THSD7B: variants seen among roughly 807,000 people sequenced by gnomAD.
THSD7B encodes the protein thrombospondin type-1 domain-containing protein 7B.
Under a neutral mutation model 213.6 loss-of-function variants are expected in THSD7B, and 138 were observed. That is an observed-to-expected ratio of 0.65 (90% CI 0.56 to 0.74). THSD7B has a LOEUF of 0.74. Ranked by LOEUF, THSD7B falls within the 30% of genes least tolerant of loss-of-function variation. The pLI is 0.00. For missense variants in THSD7B, 1,931 were observed against 1,991.5 expected, an observed-to-expected ratio of 0.97 and a Z score of 0.58; for synonymous variants, 742 against 687.0, an observed-to-expected ratio of 1.08 and a Z score of -1.25.
chr2:137,104,010 C>T (rs2104927726), intron 4 of THSD7B, among the ~76,000 whole-genome samples: 1 of 152,316 alleles, frequency 6.6e-6, no homozygotes, highest in African/African-American at 2.4e-5. Flanking sequence ...AGGACTTGAA[C>T]TCAGCTCTGA....
Position 137,587,736 on chromosome 2 carries a change from A to G in THSD7B, c.3423+15180A>G, listed in dbSNP as rs6711088. 1.8e-3 allele frequency among the ~76,000 whole-genome samples: 275 copies of G among 152,318 alleles called. 1 individual carries two copies. The highest frequency in any genetic ancestry group is 6.1e-3 in the African/African-American group (252 of 41,572). On this transcript the variant is annotated intron_variant, in intron 17 of 27. Coordinates refer to ENST00000409968, the MANE Select transcript of THSD7B (RefSeq NM_001316349.2). ...GGGTACCTGGCCGTGTGAGGTGTCA[A>G]TCTGCCCCTACTGGGCAGTTCCTCC...
intron 17 of THSD7B, among the ~76,000 whole-genome samples, chr2:137,590,792 GT>G (rs1215185747): frequency 0.013 from 1,157 of 88,680 alleles, 23 homozygotes; most frequent in African/African-American, 0.041. Context: ...CTTTGAAATA[GT>G]TTTTTTTTTT....
At chr2:137,082,155 T>C (rs560630461) in intron 3 of THSD7B, among the ~76,000 whole-genome samples, 1 of 152,280 alleles carries the variant, frequency 6.6e-6, no homozygotes, top group Admixed American at 6.5e-5. Context: ...ATTTTGTCTG[T>C]GTTTCATCTA....
intron 1 of THSD7B, among the ~76,000 whole-genome samples, chr2:136,861,296 T>C (rs942541257): frequency 1.3e-5 from 2 of 152,256 alleles, no homozygotes; most frequent in African/African-American, 4.8e-5. Context: ...TTTCTCCCAC[T>C]TATTTCTTAG....
intron 12 of THSD7B, among the ~76,000 whole-genome samples, chr2:137,279,388 A>T (rs867938315): frequency 3.3e-5 from 5 of 152,060 alleles, no homozygotes; most frequent in East Asian, 3.9e-4. Context: ...TAGAAATTTT[A>T]AAAAAAGAGC....
Position 137,246,314 on chromosome 2 carries a change from A to G in THSD7B, c.2266+3742A>G, listed in dbSNP as rs115303280. 5.4e-3 allele frequency among the ~76,000 whole-genome samples: 829 copies of G among 152,256 alleles called. 5 individuals carry two copies. Among genetic ancestry groups the G allele is most frequent in the African/African-American group, 0.019 (785 of 41,554 alleles). On this transcript the variant is annotated intron_variant, in intron 10 of 27. Transcript: ENST00000409968. ...TCTTCAAAGTTGACTGCACAATGGAATCACCTGAAAATCTCTGATGCCTGG... is the reference window on the plus strand; with the variant it reads ...TCTTCAAAGTTGACTGCACAATGGAGTCACCTGAAAATCTCTGATGCCTGG...
At chr2:137,478,379 C>T (rs1688234128) in intron 15 of THSD7B, among the ~76,000 whole-genome samples, 1 of 152,114 alleles carries the variant, frequency 6.6e-6, no homozygotes, top group Non-Finnish European at 1.5e-5. Flanking sequence ...ATGTATTTTT[C>T]ATTTCATTAA....
chr2:137,165,783 ACG>A (rs898606932), intron 6 of THSD7B, among the ~76,000 whole-genome samples: 3 of 140,468 alleles, frequency 2.1e-5, no homozygotes, highest in African/African-American at 2.6e-5. Flanking sequence ...ACACACACAC[ACG>A]TGCATGCACA....
rs548402731 is a variant in THSD7B, at chr2:137,258,536, A to C, written c.2267-13997A>C. On this transcript the variant is annotated intron_variant, in intron 10 of 27. Coordinates refer to ENST00000409968, the MANE Select transcript of THSD7B (RefSeq NM_001316349.2). ...CCTACCTCCTTCAAGTTCTTACTCA[A>C]ATATTCCCTTCTCATTGAAGATTTT... is the stretch of plus-strand genomic sequence containing the variant. 3.9e-5 allele frequency among the ~76,000 whole-genome samples: 6 copies of C among 152,088 alleles called. No individual in the cohort carries two copies. The South Asian group carries it at 8.3e-4, about 21-fold the overall frequency.
chr2:137,485,799 A>T (rs892821166), intron 15 of THSD7B, among the ~76,000 whole-genome samples: 1 of 152,148 alleles, frequency 6.6e-6, no homozygotes, highest in Non-Finnish European at 1.5e-5. Context: ...CGGATCTCTC[A>T]GCAGAAACTC....
intron 12 of THSD7B, among the ~76,000 whole-genome samples, chr2:137,390,198 A>C: frequency 6.6e-6 from 1 of 152,076 alleles, no homozygotes; most frequent in Non-Finnish European, 1.5e-5. Context: ...ATGTCCTTCC[A>C]TTTGTGTTCT....
chr2:137,172,343 A>G (rs1053416849), intron 7 of THSD7B, among the ~76,000 whole-genome samples: 2 of 152,190 alleles, frequency 1.3e-5, no homozygotes, highest in Non-Finnish European at 2.9e-5. Flanking sequence ...AGACCAAACC[A>G]TGATTAGAAG....
intron 14 of THSD7B, among the ~76,000 whole-genome samples, chr2:137,415,329 A>C (rs946054763): frequency 1.3e-5 from 2 of 152,200 alleles, no homozygotes; most frequent in African/African-American, 4.8e-5. Flanking sequence ...ATAAATTCTG[A>C]GTTATCCATA....
chr2:137,391,655 C>T (rs1439586042), intron 12 of THSD7B, among the ~76,000 whole-genome samples: 5 of 151,478 alleles, frequency 3.3e-5, no homozygotes, highest in African/African-American at 4.9e-5. Flanking sequence ...CCACTGTACT[C>T]CAGACTGGAC....
At chr2:137,093,039 T>C (rs1687979002) in intron 3 of THSD7B, among the ~76,000 whole-genome samples, 1 of 152,228 alleles carries the variant, frequency 6.6e-6, no homozygotes, top group Non-Finnish European at 1.5e-5. Context: ...CTTCGAATAT[T>C]ATCCTTTTCC....
chr2:137,100,895 A>T (rs1441975767), intron 4 of THSD7B, among the ~76,000 whole-genome samples: 1 of 131,312 alleles, frequency 7.6e-6, no homozygotes, highest in Non-Finnish European at 1.6e-5. Context: ...CTTTCCAGAA[A>T]AAAAATCTGT....
At chr2:137,459,951 G>T (rs1687852538) in intron 15 of THSD7B, among the ~76,000 whole-genome samples, 2 of 152,120 alleles carry the variant, frequency 1.3e-5, no homozygotes, top group Admixed American at 6.5e-5. Flanking sequence ...TACTACCAGG[G>T]TTAAGATTCT....
intron 19 of THSD7B, among the ~76,000 whole-genome samples, chr2:137,618,871 T>C (rs1462421703): frequency 6.6e-6 from 1 of 152,238 alleles, no homozygotes; most frequent in Non-Finnish European, 1.5e-5. Flanking sequence ...GTGATAATAC[T>C]GTCCCTTGCA....
At chr2:137,170,683 TTTTCC>T in intron 6 of THSD7B, 53 bp from the exon 7 acceptor site, 1 of 1,564,546 alleles carries the variant, frequency 6.4e-7, no homozygotes, top group South Asian at 1.2e-5. Flanking sequence ...CAGCTGCTTC[TTTTCC>T]TTTCCTGGAA....
Sources: allele counts gnomAD v4.1 joint callset (sites outside exome capture counted in the v4.1 genomes callset), GRCh38; gene constraint gnomAD v4.1.1; transcripts MANE v1.5; gene names NCBI Gene and HGNC (gene_info 2026-07-23, HGNC 2026-07-21).